PIEZO2: variants seen among roughly 807,000 people sequenced by gnomAD.
The protein encoded by PIEZO2 is piezo type mechanosensitive ion channel component 2.
In PIEZO2, 172 loss-of-function variants were observed where a neutral mutation model predicts 337.3. The observed-to-expected ratio is 0.51, with a 90% CI of 0.45 to 0.58. PIEZO2 has a LOEUF of 0.58. PIEZO2 is among the 20% of genes least tolerant of loss of function. The pLI is 0.00. For synonymous variants in PIEZO2, 1,251 were observed against 1,228.5 expected (o/e 1.02, Z -0.38); for missense variants, 3,028 against 3,391.3 (o/e 0.89, Z 2.66).
intron 30 of PIEZO2, among the ~76,000 whole-genome samples, chr18:10,745,270 CT>C (rs371189850): frequency 1.4e-4 from 21 of 152,316 alleles, no homozygotes; most frequent in African/African-American, 4.8e-4. Context: ...GCTTCTTCCT[CT>C]CTTCTTGCAT....
At chr18:11,015,109 A>G (rs1297456821) in intron 2 of PIEZO2, among the ~76,000 whole-genome samples, 1 of 129,030 alleles carries the variant, frequency 7.8e-6, no homozygotes, top group Non-Finnish European at 1.6e-5. Flanking sequence ...GGCCCCCCTC[A>G]TTCCTCAGCG....
intron 39 of PIEZO2, among the ~76,000 whole-genome samples, chr18:10,708,950 G>T: frequency 6.6e-6 from 1 of 151,936 alleles, no homozygotes; most frequent in East Asian, 1.9e-4. Flanking sequence ...GGGAAACTCA[G>T]GAATGACAAC....
At position 11,021,049 on chromosome 18, in the gene PIEZO2, G is replaced by T. The variant is rs1451109416; in HGVS notation, c.161-41389C>A. Among the ~76,000 whole-genome samples, 4 of 152,234 alleles carry T rather than the reference G, an allele frequency of 2.6e-5. No homozygotes were observed. Among genetic ancestry groups the T allele is most frequent in the Non-Finnish European group, 5.9e-5 (4 of 68,044 alleles). On this transcript the variant is annotated intron_variant, in intron 2 of 55. Transcript: ENST00000674853. This position sits in a 1 kb window ranked among gnomAD's most constrained non-coding sequence, Gnocchi z 4.7. ...CAGCAGAAAAGCACTAACCCTCATG[G>T]AGTCACTGTAGGAAGTGACTTGTCT...
At chr18:11,061,955 A>G (rs1023277527) in intron 2 of PIEZO2, among the ~76,000 whole-genome samples, 2 of 152,222 alleles carry the variant, frequency 1.3e-5, no homozygotes, top group Admixed American at 1.3e-4. Context: ...TGCTAAGTCA[A>G]TCCTGAGCCA....
Position 11,116,538 on chromosome 18 carries a change from C to T in PIEZO2, c.64+31987G>A, listed in dbSNP as rs532517860. ...ACCATCCTGGCTAACACGGTGAAAC[C>T]CCGTCTCTACTAAAAAAAATTAAAA... On this transcript the variant is annotated intron_variant, in intron 1 of 55. Coordinates refer to ENST00000674853, the MANE Select transcript of PIEZO2 (RefSeq NM_001378183.1). The surrounding 1 kb of genome is among the most constrained non-coding windows in gnomAD (Gnocchi z 5.0). Among the ~76,000 whole-genome samples the T allele has an allele frequency of 5.3e-5, 8 of 151,388 alleles. No homozygotes were observed. In the South Asian group the frequency reaches 1.7e-3, roughly 32 times the overall value.
rs774996722 is a variant in PIEZO2 at position 10,684,182 on chromosome 18, T to TTG, written c.7498-1892_7498-1891dup. On this transcript the variant is annotated intron_variant, in intron 49 of 55. Coordinates refer to ENST00000674853, the MANE Select transcript of PIEZO2 (RefSeq NM_001378183.1). The stretch of plus-strand genomic sequence containing the variant: ...TTTTTTTTTTTTTTTTTTTTTTTTT[T>TTG]TGAGACGGAGTCTTGCTCTGTCGCC... 4.2e-4 allele frequency among the ~76,000 whole-genome samples: 27 copies of TTG among 63,742 alleles called. No individual in the cohort carries two copies. In the East Asian group the frequency reaches 0.01, roughly 24 times the overall value. 41.8% of individuals were successfully genotyped at this position (63,742 alleles called of 152,430 possible). A position where few individuals can be genotyped will look rare whatever the true frequency, so the allele number is the denominator to read the frequency against.
chr18:10,762,693 T>C (rs958548648), intron 22 of PIEZO2, 68 bp from the exon 23 acceptor site: 109 of 1,499,086 alleles, frequency 7.3e-5, no homozygotes, highest in Admixed American at 3.2e-4. Flanking sequence ...GGTTATTTCT[T>C]CTTCAGCCTT....
chr18:10,730,758 C>G (rs759500986), intron 36 of PIEZO2, among the ~76,000 whole-genome samples: 14 of 152,038 alleles, frequency 9.2e-5, no homozygotes, highest in Non-Finnish European at 1.8e-4. Flanking sequence ...ACGGGGTCTC[C>G]CTCTGTCGCC....
Position 10,759,467 on chromosome 18 carries a change from A to G in PIEZO2, c.3757+15T>C, listed in dbSNP as rs1250627779. ...GGATACCAGCACTCTGTGGCCCTGC[A>G]GTGGAAACACTTACAGACGAGAAAC... On this transcript the variant is annotated intron_variant, in intron 26 of 55. Coordinates refer to ENST00000674853, the MANE Select transcript of PIEZO2 (RefSeq NM_001378183.1). The surrounding 1 kb of genome is among the most constrained non-coding windows in gnomAD (Gnocchi z 5.5). The G allele has an allele frequency of 2.0e-6, 3 of 1,529,020 alleles. No individual in the cohort carries two copies. In the Admixed American group the frequency reaches 5.9e-5, roughly 30 times the overall value. The allele number at this position is 1,529,020 out of a possible 1,614,324, so 94.7% of individuals were successfully genotyped here.
At chr18:11,086,286 T>C (rs1351646663) in intron 1 of PIEZO2, among the ~76,000 whole-genome samples, 1 of 152,040 alleles carries the variant, frequency 6.6e-6, no homozygotes, top group Non-Finnish European at 1.5e-5. Flanking sequence ...TTTGGGAGGC[T>C]GAGGCAGGCA....
At chr18:10,885,636 G>C (rs1310657759) in intron 4 of PIEZO2, among the ~76,000 whole-genome samples, 2 of 152,276 alleles carry the variant, frequency 1.3e-5, no homozygotes, top group East Asian at 3.9e-4. Flanking sequence ...ACCACGGTCA[G>C]GGTCATTGGG....
chr18:10,905,766 CT>C (rs2043160659), intron 4 of PIEZO2, among the ~76,000 whole-genome samples: 1 of 152,062 alleles, frequency 6.6e-6, no homozygotes, highest in South Asian at 2.1e-4. Flanking sequence ...TCTCTCTTGA[CT>C]TTTTCCTAAG....
rs2145243116 is a variant in PIEZO2 at position 10,940,085 on chromosome 18, A to G, written c.287-28857T>C. On this transcript the variant is annotated intron_variant, in intron 3 of 55. Transcript: ENST00000674853. This position sits in a 1 kb window ranked among gnomAD's most constrained non-coding sequence, Gnocchi z 5.3. ...AGTGAGTTTCCCCTCATCAGAAACA[A>G]ACTCCAGGGAGTGGTTCGCCAGCCT... Among the ~76,000 whole-genome samples the G allele has an allele frequency of 6.6e-6, 1 of 152,334 alleles. No individual in the cohort carries two copies. Among genetic ancestry groups the G allele is most frequent in the Non-Finnish European group, 1.5e-5 (1 of 68,032 alleles).
chr18:10,801,699 G>T (rs1466538938), intron 9 of PIEZO2, among the ~76,000 whole-genome samples: 5 of 152,170 alleles, frequency 3.3e-5, no homozygotes, highest in African/African-American at 9.7e-5. Context: ...CAAGGGTTAT[G>T]TTCTACAAGA....
chr18:10,912,247 A>G (rs2030546966), intron 3 of PIEZO2, among the ~76,000 whole-genome samples: 1 of 152,182 alleles, frequency 6.6e-6, no homozygotes, highest in Non-Finnish European at 1.5e-5. Context: ...TACCTGATAT[A>G]AGGAAAAGTG....
At chr18:10,910,666 GATGTTTTA>G (rs1428713798) in intron 4 of PIEZO2, among the ~76,000 whole-genome samples, 1 of 152,108 alleles carries the variant, frequency 6.6e-6, no homozygotes, top group Non-Finnish European at 1.5e-5. Flanking sequence ...CACATTTTCT[GATGTTTTA>G]ATGAGTCTAT....
chr18:10,896,737 T>C (rs1265437484), intron 4 of PIEZO2, among the ~76,000 whole-genome samples: 5 of 152,194 alleles, frequency 3.3e-5, no homozygotes, highest in Admixed American at 1.3e-4. Flanking sequence ...TCAGGTCTCA[T>C]GGCTCACAAA....
In PIEZO2 at chr18:10,995,909, C is replaced by G. The variant is rs1249068525; in HGVS notation, c.161-16249G>C. ...GGCTGAGAAGCCCATAAAATGCCCT[C>G]AGGAAAAACATGTGATTGCTATAAA... On this transcript the variant is annotated intron_variant, in intron 2 of 55. Coordinates refer to ENST00000674853, the MANE Select transcript of PIEZO2 (RefSeq NM_001378183.1). Among the ~76,000 whole-genome samples, 59 of 152,060 alleles carry G rather than the reference C, an allele frequency of 3.9e-4. 1 individual carries two copies. The highest frequency in any genetic ancestry group is 3.9e-3 in the Admixed American group (59 of 15,262).
intron 2 of PIEZO2, among the ~76,000 whole-genome samples, chr18:11,014,413 T>C (rs1256528986): frequency 6.7e-6 from 1 of 148,776 alleles, no homozygotes; most frequent in Non-Finnish European, 1.5e-5. Context: ...CACGTCACTC[T>C]GCGTGGGACA....
Sources: gnomAD v4.1 joint callset for allele counts (sites outside exome capture counted in the v4.1 genomes callset) on GRCh38, gnomAD v4.1.1 for gene constraint, Gnocchi (gnomAD v3.1) non-coding constraint, MANE v1.5 for transcripts, NCBI Gene and HGNC (gene_info 2026-07-23, HGNC 2026-07-21) for gene names.